MTMR14: variants seen among roughly 807,000 people sequenced by gnomAD.
MTMR14 encodes the protein phosphatidylinositol-3,5-bisphosphate 3-phosphatase MTMR14.
MTMR14 carries 48 observed loss-of-function variants against 86.3 expected under a neutral mutation model. That is an observed-to-expected ratio of 0.56 (90% CI 0.44 to 0.71). The LOEUF is 0.71. Among genes scored for constraint, MTMR14 ranks in the 30% least tolerant of loss-of-function variants. The pLI is 0.00. For synonymous variants in MTMR14, 366 were observed against 326.1 expected (o/e 1.12, Z -1.32); for missense variants, 780 against 834.6 (o/e 0.93, Z 0.81).
intron 9 of MTMR14, among the ~76,000 whole-genome samples, chr3:9,682,400 A>G (rs1037704975): frequency 3.9e-5 from 6 of 152,096 alleles, no homozygotes; most frequent in African/African-American, 1.2e-4. Flanking sequence ...CTGCTAAGCA[A>G]TTGTATCTTA....
At chr3:9,661,982 G>C (rs2047965234) in intron 2 of MTMR14, among the ~76,000 whole-genome samples, 1 of 151,796 alleles carries the variant, frequency 6.6e-6, no homozygotes, top group Non-Finnish European at 1.5e-5. Context: ...AGCATACTCG[G>C]GAGGCTGAGA....
chr3:9,697,920 G>A lies in MTMR14; in HGVS notation c.1769+54G>A, dbSNP rs2076334377. 3.7e-6 allele frequency: 6 copies of A among 1,610,946 alleles called. No homozygotes were observed. In the South Asian group the frequency reaches 6.6e-5, roughly 18 times the overall value. Reference sequence around the variant, plus strand: ...GCTCCCCTGCCCATGGGAAAAGCTGGTGAGCAGTCAGGAGTGCTGGGTAGG... The same window carrying A: ...GCTCCCCTGCCCATGGGAAAAGCTGATGAGCAGTCAGGAGTGCTGGGTAGG... On this transcript the variant is annotated intron_variant, in intron 18 of 18. Transcript: ENST00000296003.
Position 9,677,363 on chromosome 3 carries a change from AG to A in MTMR14, c.801del (p.Leu268SerfsTer14), listed in dbSNP as rs756805829. ...ATAAAGATCGGGATTACATGGCAGA[AG>A]GGCTCATATTTAACTGGAAGCAGGT... ...EYKDRDYMAE[G>X]LIFNWKQDYV... On this transcript the variant is annotated frameshift_variant, in exon 8 of 19. Transcript: ENST00000296003. LOFTEE classifies it high-confidence loss of function. The surrounding 1 kb of genome is among the most constrained non-coding windows in gnomAD (Gnocchi z 4.2). 79 of 1,614,024 alleles carry A rather than the reference AG, an allele frequency of 4.9e-5. No homozygotes were observed. Among genetic ancestry groups the A allele is most frequent in the Non-Finnish European group, 6.0e-5 (71 of 1,179,994 alleles).
chr3:9,660,419 A>G (rs2047863462), intron 2 of MTMR14, among the ~76,000 whole-genome samples: 1 of 151,774 alleles, frequency 6.6e-6, no homozygotes, highest in Admixed American at 6.6e-5. Context: ...CCACCACGCC[A>G]GGCTAATTTT....
chr3:9,665,501 AG>A (rs2048198786), intron 3 of MTMR14, among the ~76,000 whole-genome samples: 1 of 152,126 alleles, frequency 6.6e-6, no homozygotes, highest in African/African-American at 2.4e-5. Context: ...GGAGGAGGCA[AG>A]GGTTGAAGAA....
chr3:9,675,151 AAG>A (rs536215805), intron 7 of MTMR14, among the ~76,000 whole-genome samples: 187 of 152,304 alleles, frequency 1.2e-3, no homozygotes, highest in African/African-American at 4.1e-3. Flanking sequence ...AAGGCATCAA[AAG>A]AGACCAAAAT....
chr3:9,688,982 G>T lies in MTMR14; in HGVS notation c.1333G>T (p.Asp445Tyr). The T allele has an allele frequency of 6.2e-7, 1 of 1,613,942 alleles. No individual in the cohort carries two copies. The highest frequency in any genetic ancestry group is 8.5e-7 in the Non-Finnish European group (1 of 1,180,004). The change falls in exon 16 of 19, where the codon GAC becomes TAC. Residue 445 changes from aspartate (D) to tyrosine (Y), a missense_variant. Physicochemically the swap from Asp to Tyr is radical, Grantham distance 160. Coordinates refer to ENST00000296003, the MANE Select transcript of MTMR14 (RefSeq NM_001077525.3). ...TGGCAGCACCACCAGCCTTGGCAGC[G>T]ACTTCTCCCTGGTCATGGAGAGTTC... ...DRGSTTSLGS[D>Y]FSLVMESSPG...
chr3:9,652,632 G>GGTT (rs2047365915), intron 1 of MTMR14, among the ~76,000 whole-genome samples: 1 of 151,860 alleles, frequency 6.6e-6, no homozygotes, highest in South Asian at 2.1e-4. Context: ...AGGAGGCAGA[G>GGTT]GTTGCAGTGA....
chr3:9,683,261 C>T lies in MTMR14; in HGVS notation c.964+17C>T, dbSNP rs2075828889. ...ACAGTGATGGTGAGTCTGTCTCCTC[C>T]AGAGCCCTCGAGCCACTGCACCCTT... On this transcript the variant is annotated intron_variant, in intron 10 of 18. Coordinates refer to ENST00000296003, the MANE Select transcript of MTMR14 (RefSeq NM_001077525.3). The T allele has an allele frequency of 1.9e-6, 3 of 1,613,302 alleles. No homozygotes were observed. Among genetic ancestry groups the T allele is most frequent in the East Asian group, 2.2e-5 (1 of 44,894 alleles).
intron 1 of MTMR14, among the ~76,000 whole-genome samples, chr3:9,650,833 G>C (rs996966282): frequency 1.3e-5 from 2 of 151,314 alleles, no homozygotes; most frequent in African/African-American, 2.4e-5. Flanking sequence ...TGTCGCCTAG[G>C]CTGGAGTGCA....
intron 1 of MTMR14, among the ~76,000 whole-genome samples, chr3:9,651,826 T>C (rs918385976): frequency 2.6e-4 from 39 of 149,842 alleles, no homozygotes; most frequent in African/African-American, 9.1e-4. Context: ...CCATCATGCC[T>C]GGCTAATTTT....
At chr3:9,663,501 C>CTCTTTTT (rs2048061386) in intron 3 of MTMR14, among the ~76,000 whole-genome samples, 4 of 69,964 alleles carry the variant, frequency 5.7e-5, no homozygotes, top group Admixed American at 1.9e-4. Context: ...GAGTCTCTCT[C>CTCTTTTT]TTTTTTTTTT....
chr3:9,682,707 T>C (rs1389918167), intron 9 of MTMR14, among the ~76,000 whole-genome samples: 1 of 152,054 alleles, frequency 6.6e-6, no homozygotes. Context: ...TTTGAAAAGG[T>C]TGATGTTTTA....
chr3:9,689,000 G>C lies in MTMR14; in HGVS notation c.1351G>C (p.Glu451Gln). 1 of 1,613,978 alleles carries C rather than the reference G, an allele frequency of 6.2e-7. No individual in the cohort carries two copies. Among genetic ancestry groups the C allele is most frequent in the East Asian group, 2.2e-5 (1 of 44,882 alleles). ...SLGSDFSLVM[E>Q]SSPGATGSFT... ...TGGCAGCGACTTCTCCCTGGTCATG[G>C]AGAGTTCCCCAGGAGCCACTGGGAG... The change falls in exon 16 of 19, where the codon GAG becomes CAG. Residue 451 changes from glutamate (E) to glutamine (Q), a missense_variant. By Grantham distance (29) the Glu-to-Gln change is conservative. Transcript: ENST00000296003.
chr3:9,696,392 T>C (rs1418338611), intron 17 of MTMR14, among the ~76,000 whole-genome samples: 1 of 152,124 alleles, frequency 6.6e-6, no homozygotes, highest in Non-Finnish European at 1.5e-5. Context: ...TAATCCCAGC[T>C]ACTTGGGATT....
In MTMR14 at chr3:9,677,270, CT is replaced by C. The variant is rs761090828; in HGVS notation, c.752-44del. The C allele has an allele frequency of 1.1e-5, 18 of 1,584,702 alleles. No individual in the cohort carries two copies. In the South Asian group the frequency reaches 1.7e-4, roughly 15 times the overall value. ...GTCTGGCCAGGGCTGTCTCAGAAGA[CT>C]TTGGGCTGGGAAGGGAGATGTCATA... On this transcript the variant is annotated intron_variant, in intron 7 of 18. Transcript: ENST00000296003. The surrounding 1 kb of genome is among the most constrained non-coding windows in gnomAD (Gnocchi z 4.2).
Position 9,658,678 on chromosome 3 carries a change from C to T in MTMR14, c.309-3589C>T, listed in dbSNP as rs568432926. Among the ~76,000 whole-genome samples the T allele has an allele frequency of 1.4e-4, 21 of 152,310 alleles. 1 individual carries two copies. The South Asian group carries it at 4.1e-3, about 30-fold the overall frequency. On this transcript the variant is annotated intron_variant, in intron 2 of 18. Coordinates refer to ENST00000296003, the MANE Select transcript of MTMR14 (RefSeq NM_001077525.3). ...TAGAGATTTCATCTCATTAAACTAC[C>T]TCATCTGTAAAATTGGGTAAGTGAG... is the stretch of plus-strand genomic sequence containing the variant.
rs1189442329 is a variant in MTMR14 at position 9,677,634 on chromosome 3, A to G, written c.822+247A>G. Among the ~76,000 whole-genome samples the G allele has an allele frequency of 6.6e-6, 1 of 152,138 alleles. No individual in the cohort carries two copies. The highest frequency in any genetic ancestry group is 1.5e-5 in the Non-Finnish European group (1 of 68,030). ...TAAGGGAATTTTTCAGAAACAAGAT[A>G]GGAAAAGCCCTTCCCTTCTGTACTC... On this transcript the variant is annotated intron_variant, in intron 8 of 18. Transcript: ENST00000296003. This position sits in a 1 kb window ranked among gnomAD's most constrained non-coding sequence, Gnocchi z 4.2.
At chr3:9,653,132 G>A (rs2047399448) in intron 1 of MTMR14, among the ~76,000 whole-genome samples, 1 of 152,138 alleles carries the variant, frequency 6.6e-6, no homozygotes. Context: ...CAGCTACTCG[G>A]GGTGAGACAG....
Sources: allele counts gnomAD v4.1 joint callset (sites outside exome capture counted in the v4.1 genomes callset), GRCh38; gene constraint gnomAD v4.1.1; non-coding constraint Gnocchi (gnomAD v3.1); transcripts MANE v1.5; gene names NCBI Gene and HGNC (gene_info 2026-07-23, HGNC 2026-07-21).